Variants in PCNT observed in about 807,000 individuals in gnomAD.
PCNT encodes the protein pericentrin.
A neutral mutation model predicts 380.4 loss-of-function variants in PCNT; 319 were observed. That is an observed-to-expected ratio of 0.84 (90% CI 0.77 to 0.92). PCNT has a LOEUF of 0.92. PCNT is among the 40% of genes least tolerant of loss of function. PCNT has a pLI of 0.00. For missense variants in PCNT, 4,400 were observed against 4,255.3 expected (o/e 1.03, Z -0.95); for synonymous variants, 1,845 against 1,735.2 (o/e 1.06, Z -1.57).
Position 46,416,323 on chromosome 21 carries a change from G to T in PCNT, c.6405G>T (p.Thr2135=). ...HIDTCDANTA[T]GGVTDVIKNQ... The stretch of plus-strand genomic sequence containing the variant: ...ACACATGTGATGCCAATACAGCCAC[G>T]GGGGGTGTAACTGATGTTATCAAAA... Residue 2135 remains threonine (T), a synonymous_variant, in exon 30 of 47, where the codon ACG becomes ACT. Coordinates refer to ENST00000359568, the MANE Select transcript of PCNT (RefSeq NM_006031.6). 1 of 1,613,854 alleles carries T rather than the reference G, an allele frequency of 6.2e-7. No individual in the cohort carries two copies. The highest frequency in any genetic ancestry group is 8.5e-7 in the Non-Finnish European group (1 of 1,179,868).
chr21:46,360,867 A>G (rs967663457), intron 13 of PCNT, among the ~76,000 whole-genome samples: 2 of 152,124 alleles, frequency 1.3e-5, no homozygotes, highest in African/African-American at 4.8e-5. Flanking sequence ...TTTCAGTTGC[A>G]GTGCTGAGTC....
chr21:46,347,718 A>T (rs1392535847), intron 6 of PCNT, among the ~76,000 whole-genome samples: 2 of 152,146 alleles, frequency 1.3e-5, no homozygotes, highest in East Asian at 3.9e-4. Context: ...TTTCACATTG[A>T]CTTGCATAAC....
intron 10 of PCNT, among the ~76,000 whole-genome samples, chr21:46,353,538 T>C (rs2084352372): frequency 6.6e-6 from 1 of 152,054 alleles, no homozygotes; most frequent in African/African-American, 2.4e-5. Flanking sequence ...GGCCACACTC[T>C]GTCCAGGCCT....
rs535020995 is a variant in PCNT at position 46,329,475 on chromosome 21, A to AT, written c.267+2894dup. Among the ~76,000 whole-genome samples the AT allele has an allele frequency of 5.3e-5, 8 of 152,176 alleles. 1 individual carries two copies. In the South Asian group the frequency reaches 1.2e-3, roughly 24 times the overall value. On this transcript the variant is annotated intron_variant, in intron 2 of 46. Coordinates refer to ENST00000359568, the MANE Select transcript of PCNT (RefSeq NM_006031.6). ...AAACACATTAGGTTACTTATATAAC[A>AT]TTTTTTTTCATTTTAGAATTAACTA...
chr21:46,412,721 C>T (rs1018000690), intron 28 of PCNT, 116 bp from the exon 29 acceptor site: 6 of 1,087,958 alleles, frequency 5.5e-6, no homozygotes, highest in African/African-American at 3.1e-5. Flanking sequence ...GTCACTGCCA[C>T]CTCCCTCTGG....
intron 2 of PCNT, among the ~76,000 whole-genome samples, chr21:46,334,101 A>T (rs558630210): frequency 6.6e-6 from 1 of 151,126 alleles, no homozygotes; most frequent in African/African-American, 2.4e-5. Context: ...GCTACTAGGG[A>T]GGCTGAGGCA....
rs529363361 is a variant in PCNT, at chr21:46,348,875, C to G, written c.1033-137C>G. The stretch of plus-strand genomic sequence containing the variant: ...TCCTGGGCTCAGGCGATCTGCCTGC[C>G]TCAGCCTCTCAAAGTGCTGGGATTA... On this transcript the variant is annotated intron_variant, in intron 6 of 46. Transcript: ENST00000359568. The G allele has an allele frequency of 1.3e-3, 837 of 654,546 alleles. 2 individuals carry two copies. Among genetic ancestry groups the G allele is most frequent in the Non-Finnish European group, 1.3e-3 (490 of 366,066 alleles). The allele number at this position is 654,546 out of a possible 1,614,324, so 40.5% of individuals were successfully genotyped here.
chr21:46,391,502 C>G, intron 21 of PCNT, 126 bp downstream of exon 21: 2 of 761,700 alleles, frequency 2.6e-6, no homozygotes, highest in Non-Finnish European at 4.2e-6. Context: ...CACGCAGCTT[C>G]TCCTGGAACA....
At chr21:46,375,752 C>T (rs1405747137) in intron 15 of PCNT, among the ~76,000 whole-genome samples, 2 of 152,368 alleles carry the variant, frequency 1.3e-5, no homozygotes, top group African/African-American at 4.8e-5. Context: ...CCCAGCCCTG[C>T]CCGACGTCTC....
At chr21:46,444,952 A>G (rs2053715200) in intron 46 of PCNT, 131 bp downstream of exon 46, 4 of 851,026 alleles carry the variant, frequency 4.7e-6, no homozygotes, top group African/African-American at 1.7e-5. Context: ...AGTGTCACTA[A>G]TAGTATTAGA....
chr21:46,337,028 C>T (rs1021073105), intron 3 of PCNT, among the ~76,000 whole-genome samples: 2 of 151,952 alleles, frequency 1.3e-5, no homozygotes, highest in African/African-American at 4.8e-5. Context: ...GAGACAGTCT[C>T]GCTCTGTTGC....
At chr21:46,417,585 A>T (rs1434853186) in intron 30 of PCNT, among the ~76,000 whole-genome samples, 1 of 152,076 alleles carries the variant, frequency 6.6e-6, no homozygotes, top group African/African-American at 2.4e-5. Flanking sequence ...TCATTTTGGG[A>T]TTTTGTGTAT....
At chr21:46,359,506 T>TTTTTTTTTTTTTTTTTTTTC in intron 13 of PCNT, among the ~76,000 whole-genome samples, 2 of 126,232 alleles carry the variant, frequency 1.6e-5, no homozygotes, top group African/African-American at 2.9e-5. Context: ...TTTTTTTTTT[T>TTTTTTTTTTTTTTTTTTTTC]TGAGACAGTG....
chr21:46,418,307 G>A lies in PCNT; in HGVS notation c.7024+1G>A, dbSNP rs774148938. ...GGAAAAGCTGATAGAAGTGAGAAAA[G>A]TGAGTTGGTTATCTTTCATTTTTAA... On this transcript the variant is annotated splice_donor_variant, in intron 31 of 46. Transcript: ENST00000359568. LOFTEE classifies it high-confidence loss of function. 19 of 1,516,894 alleles carry A rather than the reference G, an allele frequency of 1.3e-5. No homozygotes were observed. Among genetic ancestry groups the A allele is most frequent in the Non-Finnish European group, 1.6e-5 (17 of 1,091,572 alleles). The allele number at this position is 1,516,894 out of a possible 1,614,324, so 94.0% of individuals were successfully genotyped here. A position where few individuals can be genotyped will look rare whatever the true frequency, so the allele number is the denominator to read the frequency against.
chr21:46,325,334 G>C, intron 1 of PCNT: 1 of 427,946 alleles, frequency 2.3e-6, no homozygotes, highest in Non-Finnish European at 3.1e-6. Flanking sequence ...AGGAGGGGAA[G>C]GGGAGCCCGG....
chr21:46,409,104 A>T (rs2086704061), intron 27 of PCNT, among the ~76,000 whole-genome samples: 1 of 150,306 alleles, frequency 6.7e-6, no homozygotes, highest in Non-Finnish European at 1.5e-5. Context: ...CTTTTTTTTG[A>T]TACATGATTT....
chr21:46,385,952 A>G lies in PCNT; in HGVS notation c.3433A>G (p.Lys1145Glu), dbSNP rs1456380827. 1.2e-6 allele frequency: 2 copies of G among 1,614,186 alleles called. No individual in the cohort carries two copies. The highest frequency in any genetic ancestry group is 1.7e-6 in the Non-Finnish European group (2 of 1,180,036). ...REGANLLSML[K>E]ADVNLSHSER... The stretch of plus-strand genomic sequence containing the variant: ...AGGCGCAAACCTCCTCTCCATGCTC[A>G]AGGCCGACGTCAACCTGTCCCACAG... Residue 1145 changes from lysine (K) to glutamate (E), a missense_variant, in exon 17 of 47, where the codon AAG becomes GAG. Transcript: ENST00000359568.
chr21:46,357,289 G>A lies in PCNT; in HGVS notation c.2154+98G>A. ...CTTGTGTATGGAGGGGCATCCTGGG[G>A]ACAGCCCAGTGCTGTACATGGCACA... is the stretch of plus-strand genomic sequence containing the variant. On this transcript the variant is annotated intron_variant, in intron 13 of 46. Coordinates refer to ENST00000359568, the MANE Select transcript of PCNT (RefSeq NM_006031.6). 5.8e-6 allele frequency: 5 copies of A among 866,720 alleles called. No individual in the cohort carries two copies. In the South Asian group the frequency reaches 6.6e-5, roughly 11 times the overall value. 53.7% of individuals were successfully genotyped at this position (866,720 alleles called of 1,614,324 possible).
rs759951072 is a variant in PCNT at position 46,428,350 on chromosome 21, G to C, written c.7495-45G>C. The C allele has an allele frequency of 5.1e-6, 8 of 1,568,008 alleles. No homozygotes were observed. The South Asian group carries it at 9.0e-5, about 18-fold the overall frequency. ...GGCAGCAGGGAAGGCCGGGGCATGGGGTGGCTGCCCAATGCTCAGGCTGCT... is the reference window on the plus strand; with the variant it reads ...GGCAGCAGGGAAGGCCGGGGCATGGCGTGGCTGCCCAATGCTCAGGCTGCT... On this transcript the variant is annotated intron_variant, in intron 34 of 46. Coordinates refer to ENST00000359568, the MANE Select transcript of PCNT (RefSeq NM_006031.6).
Sources: gnomAD v4.1 joint callset for allele counts (sites outside exome capture counted in the v4.1 genomes callset) on GRCh38, gnomAD v4.1.1 for gene constraint, MANE v1.5 for transcripts, NCBI Gene and HGNC (gene_info 2026-07-23, HGNC 2026-07-21) for gene names.